DNER: variants seen among roughly 807,000 people sequenced by gnomAD.
DNER encodes the protein delta/notch like EGF repeat containing.
DNER carries 33 observed loss-of-function variants against 78.2 expected under a neutral mutation model. That is an observed-to-expected ratio of 0.42 (90% CI 0.32 to 0.56). The LOEUF (loss-of-function observed/expected upper bound fraction) is 0.56. DNER is among the 20% of genes least tolerant of loss of function. The pLI is 0.11. For synonymous variants in DNER, 417 were observed against 384.8 expected (o/e 1.08, Z -0.98); for missense variants, 918 against 975.3 (o/e 0.94, Z 0.78).
chr2:229,421,811 C>G (rs6719008), intron 8 of DNER, among the ~76,000 whole-genome samples: 81,152 of 151,738 alleles, frequency 0.53, 25,433 homozygotes, highest in Non-Finnish European at 0.71. Flanking sequence ...CATTTGCCCT[C>G]CTAGGAGATC....
chr2:229,521,322 C>T (rs944993938), intron 5 of DNER, among the ~76,000 whole-genome samples: 20 of 152,182 alleles, frequency 1.3e-4, no homozygotes, highest in Non-Finnish European at 2.5e-4. Flanking sequence ...ACTCATGTAA[C>T]GACACAGCAT....
At chr2:229,473,646 A>C (rs1694974419) in intron 7 of DNER, among the ~76,000 whole-genome samples, 1 of 152,242 alleles carries the variant, frequency 6.6e-6, no homozygotes, top group Non-Finnish European at 1.5e-5. Context: ...GCTAACATAA[A>C]ACGCAACCCG....
intron 11 of DNER, among the ~76,000 whole-genome samples, chr2:229,375,650 T>C (rs1051835035): frequency 6.6e-5 from 10 of 152,218 alleles, no homozygotes; most frequent in African/African-American, 2.4e-4. Flanking sequence ...TCATGAAAAG[T>C]TAAAAGATAA....
At chr2:229,364,844 C>CTTTTTT (rs34346714) in intron 12 of DNER, among the ~76,000 whole-genome samples, 12 of 75,486 alleles carry the variant, frequency 1.6e-4, no homozygotes, top group African/African-American at 3.3e-4. Flanking sequence ...CTCTCTCTCT[C>CTTTTTT]TTTTTTTTTT....
At chr2:229,588,583 C>A in intron 2 of DNER, 95 bp from the exon 3 acceptor site, 1 of 1,060,216 alleles carries the variant, frequency 9.4e-7, no homozygotes, top group Non-Finnish European at 1.4e-6. Context: ...TTCCTTCATC[C>A]CTTTTGATGA....
At chr2:229,383,755 T>C (rs1692798302) in intron 11 of DNER, among the ~76,000 whole-genome samples, 1 of 152,152 alleles carries the variant, frequency 6.6e-6, no homozygotes, top group Admixed American at 6.5e-5. Context: ...TCCAGATTCA[T>C]AAAGCAAGTT....
chr2:229,368,961 C>T (rs1483009144), intron 11 of DNER, among the ~76,000 whole-genome samples: 1 of 152,066 alleles, frequency 6.6e-6, no homozygotes, highest in Admixed American at 6.5e-5. Flanking sequence ...ATATGCAATA[C>T]ATTATTTAAA....
rs567350966 is a variant in DNER, at chr2:229,396,996, G to A, written c.1724-8600C>T. Among the ~76,000 whole-genome samples the A allele has an allele frequency of 7.9e-5, 12 of 152,188 alleles. No individual in the cohort carries two copies. In the South Asian group the frequency reaches 2.3e-3, roughly 29 times the overall value. On this transcript the variant is annotated intron_variant, in intron 10 of 12. Transcript: ENST00000341772. ...TACCTTCCTCAGACTTTGGGGGTGGGTTTGCATAGACCTGCCCACCGTGGA... is the reference window on the plus strand; with the variant it reads ...TACCTTCCTCAGACTTTGGGGGTGGATTTGCATAGACCTGCCCACCGTGGA...
intron 4 of DNER, among the ~76,000 whole-genome samples, chr2:229,569,683 A>T (rs1697181132): frequency 6.6e-6 from 1 of 152,076 alleles, no homozygotes; most frequent in Non-Finnish European, 1.5e-5. Context: ...TTATTATTAC[A>T]CTGTATTAGT....
At chr2:229,489,446 G>A (rs1458751176) in intron 6 of DNER, among the ~76,000 whole-genome samples, 1 of 151,920 alleles carries the variant, frequency 6.6e-6, no homozygotes, top group Non-Finnish European at 1.5e-5. Context: ...GCAATCAAGT[G>A]TGGGATCAAA....
chr2:229,607,892 C>T (rs1254771582), intron 1 of DNER, among the ~76,000 whole-genome samples: 1 of 151,698 alleles, frequency 6.6e-6, no homozygotes, highest in Non-Finnish European at 1.5e-5. Context: ...CATGGTGGTA[C>T]ATGTATGTAA....
At chr2:229,488,905 G>A (rs62191995) in intron 6 of DNER, among the ~76,000 whole-genome samples, 20,499 of 152,252 alleles carry the variant, frequency 0.13, 1,528 homozygotes, top group East Asian at 0.21. Flanking sequence ...ATTTGTTGAG[G>A]GCTTACTATG....
chr2:229,453,933 A>AAAAG (rs1465809520), intron 7 of DNER, among the ~76,000 whole-genome samples: 2 of 151,102 alleles, frequency 1.3e-5, no homozygotes, highest in African/African-American at 2.4e-5. Context: ...AAAAAAAAAA[A>AAAAG]AAAAAAAAAG....
intron 1 of DNER, among the ~76,000 whole-genome samples, chr2:229,659,892 G>A (rs1035641554): frequency 1.3e-5 from 2 of 151,984 alleles, no homozygotes; most frequent in African/African-American, 2.4e-5. Context: ...ATGTATATAG[G>A]CACAGATATT....
intron 11 of DNER, among the ~76,000 whole-genome samples, chr2:229,387,517 A>AAGAG (rs1491365167): frequency 1.2e-5 from 1 of 84,522 alleles, no homozygotes; most frequent in Non-Finnish European, 2.5e-5. Context: ...GAGAGAAAGA[A>AAGAG]AGAAAGAAAG....
chr2:229,378,927 C>T (rs10194205), intron 11 of DNER, among the ~76,000 whole-genome samples: 31,554 of 152,144 alleles, frequency 0.21, 3,820 homozygotes, highest in East Asian at 0.52. Flanking sequence ...CTCATACACA[C>T]GGTCTCCTTT....
intron 10 of DNER, among the ~76,000 whole-genome samples, chr2:229,395,400 G>A (rs1693113770): frequency 6.6e-6 from 1 of 152,178 alleles, no homozygotes; most frequent in South Asian, 2.1e-4. Context: ...GATCAGCGTT[G>A]AGTTGCCCAT....
chr2:229,490,123 G>A (rs565654091), intron 6 of DNER, among the ~76,000 whole-genome samples: 2 of 152,292 alleles, frequency 1.3e-5, no homozygotes, highest in South Asian at 2.1e-4. Flanking sequence ...CTTGTTTGCA[G>A]GACTGGTTTT....
chr2:229,392,559 T>C (rs1276178236), intron 10 of DNER, among the ~76,000 whole-genome samples: 1 of 152,126 alleles, frequency 6.6e-6, no homozygotes, highest in Admixed American at 6.5e-5. Context: ...AAGACGTGTG[T>C]GTGTGTAACT....
Sources: allele counts gnomAD v4.1 joint callset (sites outside exome capture counted in the v4.1 genomes callset), GRCh38; gene constraint gnomAD v4.1.1; transcripts MANE v1.5; gene names NCBI Gene and HGNC (gene_info 2026-07-23, HGNC 2026-07-21).